The following CCSER1 variants were observed in gnomAD, a reference collection of about 807,000 sequenced individuals.
CCSER1 encodes serine-rich coiled-coil domain-containing protein 1.
In CCSER1, 41 loss-of-function variants were observed where a neutral mutation model predicts 82.0. That is an observed-to-expected ratio of 0.50 (90% CI 0.39 to 0.65). The LOEUF is 0.65. Among genes scored for constraint, CCSER1 ranks in the 30% least tolerant of loss-of-function variants. The pLI is 0.00. For missense variants in CCSER1, 1,119 were observed against 1,064.2 expected, an observed-to-expected ratio of 1.05 and a Z score of -0.72; for synonymous variants, 414 against 383.9, an observed-to-expected ratio of 1.08 and a Z score of -0.92.
intron 1 of CCSER1, among the ~76,000 whole-genome samples, chr4:90,155,948 CT>C (rs1401093963): frequency 2.6e-5 from 4 of 151,948 alleles, no homozygotes; most frequent in South Asian, 2.1e-4. Context: ...TTTTCTAGTT[CT>C]TTTAATTGTG....
intron 10 of CCSER1, among the ~76,000 whole-genome samples, chr4:91,219,645 G>A (rs533242818): frequency 1.3e-5 from 2 of 152,084 alleles, no homozygotes; most frequent in South Asian, 4.2e-4. Flanking sequence ...TTAAGCTTTT[G>A]GTAGAAGGAA....
In CCSER1 at chr4:90,732,027, T is replaced by TTCTCTCTCTCTCTCTCTCTCTCTC. The variant is rs76331329; in HGVS notation, c.2010+8047_2010+8070dup. Among the ~76,000 whole-genome samples, 225 of 131,146 alleles carry TTCTCTCTCTCTCTCTCTCTCTCTC rather than the reference T, an allele frequency of 1.7e-3. 11 individuals carry two copies. The highest frequency in any genetic ancestry group is 6.4e-3 in the African/African-American group (197 of 30,818). The allele number at this position is 131,146 out of a possible 152,430, so 86.0% of individuals were successfully genotyped here. On this transcript the variant is annotated intron_variant, in intron 7 of 10. Coordinates refer to ENST00000509176, the MANE Select transcript of CCSER1 (RefSeq NM_001145065.2). ...CTGAAAACACTGTACCTATTGGGATTTCTCTCTCTCTCTCTCTCTCTCTCT... is the reference window on the plus strand; with the variant it reads ...CTGAAAACACTGTACCTATTGGGATTTCTCTCTCTCTCTCTCTCTCTCTCTCTCTCTCTCTCTCTCTCTCTCTCT...
Position 91,176,846 on chromosome 4 carries a change from C to T in CCSER1, c.2217+90852C>T, listed in dbSNP as rs563865570. On this transcript the variant is annotated intron_variant, in intron 10 of 10. Coordinates refer to ENST00000509176, the MANE Select transcript of CCSER1 (RefSeq NM_001145065.2). ...TGCCTGATTGCCCTGGCCAGAACTT[C>T]CAACACTATGTTGAATAGAAGTGGT... Among the ~76,000 whole-genome samples the T allele has an allele frequency of 1.1e-3, 167 of 152,252 alleles. 2 individuals carry two copies. The highest frequency in any genetic ancestry group is 3.8e-3 in the African/African-American group (156 of 41,550).
At position 91,536,897 on chromosome 4, in the gene CCSER1, A is replaced by G. The variant is rs995542415; in HGVS notation, c.2218-61675A>G. Among the ~76,000 whole-genome samples the G allele has an allele frequency of 3.3e-5, 5 of 152,050 alleles. No homozygotes were observed. In the South Asian group the frequency reaches 1.0e-3, roughly 32 times the overall value. On this transcript the variant is annotated intron_variant, in intron 10 of 10. Transcript: ENST00000509176. ...TGAGCCCTAGAACTCCTAAGATTTCAGGATTTTGTCCTGGAATCTTAAGTA... is the reference window on the plus strand; with the variant it reads ...TGAGCCCTAGAACTCCTAAGATTTCGGGATTTTGTCCTGGAATCTTAAGTA...
rs552296804 is a variant in CCSER1 at position 91,374,566 on chromosome 4, G to C, written c.2218-224006G>C. On this transcript the variant is annotated intron_variant, in intron 10 of 10. Transcript: ENST00000509176. ...TCCTTTCAAATTATTACTACTCATT[G>C]ACAATGTACCTAGTCACCTAAGAGC... Among the ~76,000 whole-genome samples, 14 of 152,282 alleles carry C rather than the reference G, an allele frequency of 9.2e-5. 1 individual carries two copies. The South Asian group carries it at 2.9e-3, about 32-fold the overall frequency.
chr4:90,575,358 G>C (rs753784700), intron 5 of CCSER1, among the ~76,000 whole-genome samples: 1 of 152,188 alleles, frequency 6.6e-6, no homozygotes, highest in Non-Finnish European at 1.5e-5. Context: ...AGATAGAAAG[G>C]AAGGGAGGCT....
At position 90,645,688 on chromosome 4, in the gene CCSER1, T is replaced by A. The variant is rs118044013; in HGVS notation, c.1932+17456T>A. ...TGACACATGGTCATAAAAACATGCT[T>A]TGATAAGGTGTGATCTAATTTAGTA... On this transcript the variant is annotated intron_variant, in intron 6 of 10. Transcript: ENST00000509176. 7.1e-4 allele frequency among the ~76,000 whole-genome samples: 108 copies of A among 152,322 alleles called. 1 individual carries two copies. The East Asian group carries it at 0.018, about 26-fold the overall frequency.
chr4:90,867,087 G>A (rs190459847), intron 8 of CCSER1, among the ~76,000 whole-genome samples: 35 of 152,026 alleles, frequency 2.3e-4, no homozygotes, highest in Admixed American at 1.8e-3. Flanking sequence ...ACTTCTATTC[G>A]CACTTGCCCT....
intron 1 of CCSER1, among the ~76,000 whole-genome samples, chr4:90,221,777 G>A (rs1167606516): frequency 1.3e-5 from 2 of 152,078 alleles, no homozygotes; most frequent in African/African-American, 2.4e-5. Context: ...TAGATGCCTT[G>A]ACTATTTGAA....
intron 5 of CCSER1, among the ~76,000 whole-genome samples, chr4:90,626,802 C>G (rs566076347): frequency 6.6e-6 from 1 of 152,004 alleles, no homozygotes; most frequent in African/African-American, 2.4e-5. Context: ...GATTTAACAC[C>G]TATAAGGACA....
chr4:90,735,303 G>T (rs1745460872), intron 7 of CCSER1, among the ~76,000 whole-genome samples: 1 of 152,038 alleles, frequency 6.6e-6, no homozygotes, highest in South Asian at 2.1e-4. Context: ...ATGGGTCTTT[G>T]TTTAGTTTTG....
chr4:90,389,130 C>T (rs1243748149), intron 3 of CCSER1, among the ~76,000 whole-genome samples: 1 of 152,068 alleles, frequency 6.6e-6, no homozygotes, highest in African/African-American at 2.4e-5. Flanking sequence ...ACATTATGGC[C>T]ACTGGTTTAA....
intron 5 of CCSER1, among the ~76,000 whole-genome samples, chr4:90,520,206 T>C (rs1560650477): frequency 6.6e-6 from 1 of 151,626 alleles, no homozygotes; most frequent in African/African-American, 2.4e-5. Flanking sequence ...GTATCATAAT[T>C]ATTATTCTAA....
intron 1 of CCSER1, among the ~76,000 whole-genome samples, chr4:90,302,979 T>A (rs1287043482): frequency 1.3e-5 from 2 of 152,138 alleles, no homozygotes; most frequent in African/African-American, 4.8e-5. Flanking sequence ...AGAATATGGA[T>A]AATCTTGACC....
At chr4:91,039,274 C>T (rs1246197085) in intron 9 of CCSER1, among the ~76,000 whole-genome samples, 1 of 151,606 alleles carries the variant, frequency 6.6e-6, no homozygotes, top group African/African-American at 2.4e-5. Flanking sequence ...AACTCTTGTG[C>T]TCAAGTGATC....
chr4:91,145,748 GT>G (rs890341627), intron 10 of CCSER1, among the ~76,000 whole-genome samples: 1 of 152,102 alleles, frequency 6.6e-6, no homozygotes, highest in Non-Finnish European at 1.5e-5. Context: ...TGTTTGGGAT[GT>G]TTTTTCTTTA....
intron 10 of CCSER1, among the ~76,000 whole-genome samples, chr4:91,490,650 T>C (rs938279593): frequency 6.6e-6 from 1 of 150,662 alleles, no homozygotes; most frequent in African/African-American, 2.4e-5. Flanking sequence ...TATAGTTAGG[T>C]AGAACGAATA....
rs72503742 is a variant in CCSER1, at chr4:91,594,507, T to G, written c.2218-4065T>G. Among the ~76,000 whole-genome samples the G allele has an allele frequency of 8.3e-4, 125 of 150,194 alleles. No individual in the cohort carries two copies. In the East Asian group the frequency reaches 0.023, roughly 28 times the overall value. ...TATATATATACCCAAATCAGATCTA[T>G]CTATATCTATCTATCTTAGATTCCC... On this transcript the variant is annotated intron_variant, in intron 10 of 10. Transcript: ENST00000509176.
intron 10 of CCSER1, among the ~76,000 whole-genome samples, chr4:91,451,382 A>G (rs1446584463): frequency 6.6e-6 from 1 of 152,046 alleles, no homozygotes; most frequent in Non-Finnish European, 1.5e-5. Flanking sequence ...AAAGCATCAT[A>G]CTATTTCCAA....
Sources: allele counts gnomAD v4.1 joint callset (sites outside exome capture counted in the v4.1 genomes callset), GRCh38; gene constraint gnomAD v4.1.1; transcripts MANE v1.5; gene names NCBI Gene and HGNC (gene_info 2026-07-23, HGNC 2026-07-21).